Variants in IL12RB2 observed in about 807,000 individuals in gnomAD.
The protein encoded by IL12RB2 is interleukin-12 receptor subunit beta-2.
Under a neutral mutation model 89.4 loss-of-function variants are expected in IL12RB2, and 82 were observed. That is an observed-to-expected ratio of 0.92 (90% CI 0.77 to 1.10). The LOEUF is 1.10. Among genes scored for constraint, IL12RB2 ranks in the 50% least tolerant of loss-of-function variants. IL12RB2 has a pLI of 0.00. For synonymous variants in IL12RB2, 368 were observed against 370.1 expected (o/e 0.99, Z 0.07); for missense variants, 963 against 1,031.9 (o/e 0.93, Z 0.92).
At chr1:67,378,838 A>C (rs1203905717) in intron 13 of IL12RB2, among the ~76,000 whole-genome samples, 3 of 138,692 alleles carry the variant, frequency 2.2e-5, no homozygotes, top group Non-Finnish European at 4.6e-5. Context: ...TGACAGAGCA[A>C]GACTCTTCTC....
At position 67,398,106 on chromosome 1, in the gene IL12RB2, C is replaced by T. The variant is rs1169466362; in HGVS notation, c.*2017C>T. ...AGTTCCTTCGTTTCTATTTCTATTC[C>T]ACTCTATTTAGCTATTATTGTGCGG... On this transcript the variant is annotated 3_prime_UTR_variant, in exon 17 of 17. Coordinates refer to ENST00000674203, the MANE Select transcript of IL12RB2 (RefSeq NM_001374259.2). 6.6e-6 allele frequency among the ~76,000 whole-genome samples: 1 copy of T among 151,794 alleles called. No homozygotes were observed. The highest frequency in any genetic ancestry group is 2.4e-5 in the African/African-American group (1 of 41,302).
chr1:67,373,407 G>A (rs1208499024), intron 13 of IL12RB2, among the ~76,000 whole-genome samples: 2 of 152,202 alleles, frequency 1.3e-5, no homozygotes, highest in Admixed American at 6.5e-5. Context: ...ACAGCGCCCC[G>A]CCAATCCTGT....
rs558639167 is a variant in IL12RB2, at chr1:67,398,020, C to A, written c.*1931C>A. On this transcript the variant is annotated 3_prime_UTR_variant, in exon 17 of 17. Transcript: ENST00000674203. ...CTTCTTCAGGTTGGAACTCTTGATA[C>A]ATCCTTGTTTCCTGAAATTCCAAAC... Among the ~76,000 whole-genome samples, 2 of 152,342 alleles carry A rather than the reference C, an allele frequency of 1.3e-5. No individual in the cohort carries two copies. Among genetic ancestry groups the A allele is most frequent in the South Asian group, 4.1e-4 (2 of 4,828 alleles).
rs1467584044 is a variant in IL12RB2, at chr1:67,320,394, C to T, written c.26C>T (p.Ser9Leu). The T allele has an allele frequency of 1.2e-6, 2 of 1,613,930 alleles. No individual in the cohort carries two copies. The highest frequency in any genetic ancestry group is 1.7e-6 in the Non-Finnish European group (2 of 1,179,934). The change falls in exon 3 of 17, where the codon TCA becomes TTA. Residue 9 changes from serine to leucine, a missense_variant. Physicochemically the swap from Ser to Leu is moderately radical, Grantham distance 145. Coordinates refer to ENST00000674203, the MANE Select transcript of IL12RB2 (RefSeq NM_001374259.2). MAHTFRGC[S>L]LAFMFIITWL... ...ATGGCACATACTTTTAGAGGATGCT[C>T]ATTGGCATTTATGTTTATAATCACG... is the stretch of plus-strand genomic sequence containing the variant.
At chr1:67,378,848 CAAAAAAAAA>C (rs56260019) in intron 13 of IL12RB2, among the ~76,000 whole-genome samples, 5 of 91,926 alleles carry the variant, frequency 5.4e-5, no homozygotes, top group Admixed American at 3.6e-4. Flanking sequence ...AGACTCTTCT[CAAAAAAAAA>C]AAAAAAAAAA....
intron 8 of IL12RB2, among the ~76,000 whole-genome samples, chr1:67,335,358 G>T (rs1331560998): frequency 1.3e-5 from 2 of 152,190 alleles, no homozygotes; most frequent in African/African-American, 4.8e-5. Flanking sequence ...CATCCACTGG[G>T]ACATCATTAA....
chr1:67,314,674 C>T (rs967827691), intron 2 of IL12RB2, among the ~76,000 whole-genome samples: 4 of 152,234 alleles, frequency 2.6e-5, no homozygotes, highest in South Asian at 4.2e-4. Flanking sequence ...CGAAAGGAAA[C>T]TTAAGAGTTT....
intron 2 of IL12RB2, among the ~76,000 whole-genome samples, chr1:67,316,192 A>G (rs910532205): frequency 2.0e-5 from 3 of 152,104 alleles, no homozygotes; most frequent in African/African-American, 4.8e-5. Context: ...TAAATAAATT[A>G]GTTCTCTTTA....
intron 16 of IL12RB2, among the ~76,000 whole-genome samples, chr1:67,392,500 A>T (rs973895782): frequency 2.0e-5 from 3 of 152,046 alleles, no homozygotes; most frequent in African/African-American, 4.8e-5. Context: ...TGGGCACAGG[A>T]TATTTCTGGA....
chr1:67,389,338 A>T (rs967037288), intron 15 of IL12RB2, among the ~76,000 whole-genome samples: 2 of 91,744 alleles, frequency 2.2e-5, no homozygotes, highest in African/African-American at 6.7e-5. Flanking sequence ...GCATACTTTT[A>T]AAAAAAAAAA....
At chr1:67,332,896 T>G (rs887169735) in intron 8 of IL12RB2, among the ~76,000 whole-genome samples, 6 of 152,262 alleles carry the variant, frequency 3.9e-5, no homozygotes, top group African/African-American at 1.4e-4. Context: ...GAAAAGGTTT[T>G]TCTTTTCTTT....
chr1:67,347,211 G>T (rs559495474), intron 9 of IL12RB2, among the ~76,000 whole-genome samples: 3 of 152,118 alleles, frequency 2.0e-5, no homozygotes, highest in Non-Finnish European at 4.4e-5. Context: ...AAAATCAAAA[G>T]AAATAAAAGC....
intron 7 of IL12RB2, among the ~76,000 whole-genome samples, chr1:67,330,177 C>T (rs553433682): frequency 1.1e-4 from 16 of 151,638 alleles, no homozygotes; most frequent in South Asian, 4.2e-4. Context: ...TGATTCTTTC[C>T]GGGATTGTTG....
intron 7 of IL12RB2, among the ~76,000 whole-genome samples, chr1:67,330,254 A>C (rs911536967): frequency 6.8e-6 from 1 of 147,026 alleles, no homozygotes; most frequent in African/African-American, 2.5e-5. Context: ...AGAGAGTATA[A>C]CTAATTAAAG....
At chr1:67,339,502 A>G (rs1340770474) in intron 9 of IL12RB2, among the ~76,000 whole-genome samples, 2 of 151,822 alleles carry the variant, frequency 1.3e-5, no homozygotes, top group African/African-American at 2.4e-5. Flanking sequence ...AAAAAAAAAA[A>G]GAAAATCATA....
At chr1:67,361,555 G>A (rs1175364403) in intron 10 of IL12RB2, among the ~76,000 whole-genome samples, 4 of 152,146 alleles carry the variant, frequency 2.6e-5, no homozygotes, top group Non-Finnish European at 1.5e-5. Flanking sequence ...AGACATATCT[G>A]GGGGAGGAGT....
chr1:67,374,668 G>T (rs1193014771), intron 13 of IL12RB2, among the ~76,000 whole-genome samples: 1 of 151,382 alleles, frequency 6.6e-6, no homozygotes, highest in African/African-American at 2.4e-5. Flanking sequence ...TAGAGGAGGG[G>T]TTTCACCATG....
intron 16 of IL12RB2, among the ~76,000 whole-genome samples, chr1:67,393,418 C>T (rs1048194412): frequency 3.3e-5 from 5 of 152,196 alleles, no homozygotes; most frequent in African/African-American, 7.2e-5. Context: ...GCTCTCCTGA[C>T]GGCAGAGCAA....
chr1:67,335,420 A>G (rs544156724), intron 8 of IL12RB2, among the ~76,000 whole-genome samples: 2 of 152,272 alleles, frequency 1.3e-5, no homozygotes, highest in South Asian at 4.1e-4. Flanking sequence ...TTCATGGTGG[A>G]AAAAGAAGGG....
Sources: gnomAD v4.1 joint callset for allele counts (sites outside exome capture counted in the v4.1 genomes callset) on GRCh38, gnomAD v4.1.1 for gene constraint, MANE v1.5 for transcripts, NCBI Gene and HGNC (gene_info 2026-07-23, HGNC 2026-07-21) for gene names.